MAX: variants seen among roughly 807,000 people sequenced by gnomAD.
The protein encoded by MAX is MYC associated transcriptional regulator X, also known as protein max.
Under a neutral mutation model 22.3 loss-of-function variants are expected in MAX, and 3 were observed. The observed-to-expected ratio is 0.13, with a 90% CI of 0.06 to 0.35. The LOEUF (loss-of-function observed/expected upper bound fraction) is 0.35. Ranked by LOEUF, MAX falls within the 10% of genes least tolerant of loss-of-function variation. The pLI is 1.00. For synonymous variants in MAX, 72 were observed against 77.7 expected (o/e 0.93, Z 0.39); for missense variants, 119 against 209.4 (o/e 0.57, Z 2.66).
downstream of MAX, among the ~76,000 whole-genome samples, chr14:65,070,180 C>G (rs1187554707): frequency 1.3e-5 from 2 of 152,152 alleles, no homozygotes; most frequent in Non-Finnish European, 2.9e-5. This position sits in a 1 kb window ranked among gnomAD's most constrained non-coding sequence, Gnocchi z 4.4. Context: ...CTCCTGGGTT[C>G]CTGCAGAAGT....
chr14:65,056,168 C>T (rs2062732719), intron 3 of MAX, among the ~76,000 whole-genome samples: 1 of 152,142 alleles, frequency 6.6e-6, no homozygotes, highest in Admixed American at 6.5e-5. Context: ...CCTACTGTAC[C>T]AGTCATTCTG....
At chr14:65,041,216 G>C (rs915523439) in intron 3 of MAX, among the ~76,000 whole-genome samples, 1 of 152,198 alleles carries the variant, frequency 6.6e-6, no homozygotes, top group Non-Finnish European at 1.5e-5. Context: ...AGAGGTTATC[G>C]TGTGTTATAG....
At chr14:65,100,025 A>G (rs542059521) in intron 2 of MAX, among the ~76,000 whole-genome samples, 1 of 152,356 alleles carries the variant, frequency 6.6e-6, no homozygotes, top group Non-Finnish European at 1.5e-5. Context: ...CCCTGTGGTT[A>G]TCAAGTTCTT....
rs2062081049 is a variant in MAX at position 65,031,456 on chromosome 14, T to A, written c.172-25172A>T. ...CCTCAGCCTCCCAAGTAGTTGGGAC[T>A]ACGGGCACACGCCACCATGCCCAGC... On this transcript the variant is annotated intron_variant, in intron 3 of 3. Coordinates refer to the MAX transcript ENST00000341653. The surrounding 1 kb of genome is among the most constrained non-coding windows in gnomAD (Gnocchi z 4.6). Among the ~76,000 whole-genome samples the A allele has an allele frequency of 6.6e-6, 1 of 151,802 alleles. No individual in the cohort carries two copies. The highest frequency in any genetic ancestry group is 2.4e-5 in the African/African-American group (1 of 41,380).
chr14:65,065,086 G>C (rs1205477249), intron 3 of MAX, among the ~76,000 whole-genome samples: 2 of 152,194 alleles, frequency 1.3e-5, no homozygotes, highest in African/African-American at 2.4e-5. Context: ...CAGAGCACAA[G>C]CATGTGACCT....
intron 1 of MAX, 74 bp downstream of exon 1, chr14:65,102,230 T>A (rs2139974896): frequency 3.8e-6 from 6 of 1,596,974 alleles, no homozygotes; most frequent in Non-Finnish European, 4.3e-6. Context: ...CCTCCCGCCG[T>A]CGCCCCGCTA....
chr14:65,044,501 G>A lies in MAX; in HGVS notation c.172-38217C>T. On this transcript the variant is annotated intron_variant, in intron 3 of 3. Transcript: ENST00000341653. The surrounding 1 kb of genome is among the most constrained non-coding windows in gnomAD (Gnocchi z 5.5). ...ATGATTTCCCTCCACTACTCACAAA[G>A]TCTGGAAGCCCAGCGTGCTTTTTTA... is the stretch of plus-strand genomic sequence containing the variant. The A allele has an allele frequency of 3.2e-6, 5 of 1,559,718 alleles. No homozygotes were observed. In the South Asian group the frequency reaches 3.6e-5, roughly 11 times the overall value.
At chr14:65,064,542 G>C (rs969701856) in intron 3 of MAX, among the ~76,000 whole-genome samples, 3 of 152,172 alleles carry the variant, frequency 2.0e-5, no homozygotes, top group African/African-American at 7.2e-5. Flanking sequence ...GTCAGGTTCA[G>C]CAGACAGGCA....
intron 3 of MAX, among the ~76,000 whole-genome samples, chr14:65,089,337 T>C (rs2063432519): frequency 6.6e-6 from 1 of 152,174 alleles, no homozygotes; most frequent in Non-Finnish European, 1.5e-5. Context: ...TTTTTCTTTA[T>C]TTTCATTTGA....
intron 2 of MAX, among the ~76,000 whole-genome samples, chr14:65,098,151 T>C (rs1216267370): frequency 6.6e-6 from 1 of 152,240 alleles, no homozygotes; most frequent in Non-Finnish European, 1.5e-5. Flanking sequence ...GAACAACTTT[T>C]ACCCTAACAC....
downstream of MAX, among the ~76,000 whole-genome samples, chr14:65,072,372 G>A (rs1377392653): frequency 6.6e-6 from 1 of 152,148 alleles, no homozygotes; most frequent in Non-Finnish European, 1.5e-5. Flanking sequence ...AGCATTGGAG[G>A]CATGCTGGGA....
intron 3 of MAX, chr14:65,040,869 G>A (rs771996889): frequency 1.2e-5 from 19 of 1,613,882 alleles, no homozygotes; most frequent in Admixed American, 3.3e-5. Context: ...TGGCCTGGCC[G>A]CGCTGGTAAT....
intron 3 of MAX, among the ~76,000 whole-genome samples, chr14:65,056,230 T>A (rs1318321184): frequency 6.7e-6 from 1 of 150,072 alleles, no homozygotes; most frequent in African/African-American, 2.5e-5. Flanking sequence ...TGTGTTCACA[T>A]GTGTTGCTCC....
chr14:65,093,409 T>G lies in MAX; in HGVS notation c.171+299A>C. ...TTATCCCAAACGAACTCTTGGCCAC[T>G]CTTTATACTATAGTGTATAGTTATA... On this transcript the variant is annotated intron_variant, in intron 3 of 4. Transcript: ENST00000358664. This position sits in a 1 kb window ranked among gnomAD's most constrained non-coding sequence, Gnocchi z 4.4. 2 of 392,162 alleles carry G rather than the reference T, an allele frequency of 5.1e-6. No homozygotes were observed. The highest frequency in any genetic ancestry group is 7.4e-5 in the Admixed American group (2 of 27,052). 24.3% of individuals were successfully genotyped at this position (392,162 alleles called of 1,614,324 possible).
rs1452228279 is a variant in MAX at position 65,040,311 on chromosome 14, A to G, written c.172-34027T>C. Among the ~76,000 whole-genome samples, 4 of 146,642 alleles carry G rather than the reference A, an allele frequency of 2.7e-5. 1 individual carries two copies. The South Asian group carries it at 6.3e-4, about 23-fold the overall frequency. ...TATATATATATGTATATATATGTGT[A>G]TATATGTACATATATGTATATGTAT... On this transcript the variant is annotated intron_variant, in intron 3 of 3. Coordinates refer to the MAX transcript ENST00000341653.
At chr14:65,102,630 C>T (rs574416730), upstream of MAX, 22 of 1,191,512 alleles carry the variant, frequency 1.8e-5, no homozygotes, top group East Asian at 3.4e-5. Context: ...ACAGACGGCC[C>T]GGGTAGCTCC....
rs1012983730 is a variant in MAX at position 65,028,123 on chromosome 14, G to A, written c.172-21839C>T. On this transcript the variant is annotated intron_variant, in intron 3 of 3. Transcript: ENST00000341653. The surrounding 1 kb of genome is among the most constrained non-coding windows in gnomAD (Gnocchi z 4.4). ...TTCACCTCTCTGAGATAGGAAGGGA[G>A]GGGAAAGTCCAGCAGGGCCTCAGTA... Among the ~76,000 whole-genome samples, 1 of 152,194 alleles carries A rather than the reference G, an allele frequency of 6.6e-6. No homozygotes were observed. Among genetic ancestry groups the A allele is most frequent in the Non-Finnish European group, 1.5e-5 (1 of 68,040 alleles).
intron 3 of MAX, among the ~76,000 whole-genome samples, chr14:65,036,699 ATTC>A (rs71444681): frequency 0.11 from 16,878 of 148,970 alleles, 1,273 homozygotes; most frequent in Non-Finnish European, 0.17. Context: ...TGGAATCTTT[ATTC>A]TTTTTGTGTG....
chr14:65,038,729 A>C (rs1235739679), intron 3 of MAX, among the ~76,000 whole-genome samples: 1 of 152,156 alleles, frequency 6.6e-6, no homozygotes, highest in African/African-American at 2.4e-5. Context: ...AAAATAAATA[A>C]ATAAAAATAA....
Sources: allele counts gnomAD v4.1 joint callset (sites outside exome capture counted in the v4.1 genomes callset), GRCh38; gene constraint gnomAD v4.1.1; non-coding constraint Gnocchi (gnomAD v3.1); transcripts MANE v1.5; gene names NCBI Gene and HGNC (gene_info 2026-07-23, HGNC 2026-07-21).